The following BRD3 variants were observed in gnomAD, a reference collection of about 807,000 sequenced individuals.
The protein encoded by BRD3 is bromodomain-containing protein 3.
In BRD3, 17 loss-of-function variants were observed where a neutral mutation model predicts 66.8. That is an observed-to-expected ratio of 0.25 (90% CI 0.17 to 0.38). The LOEUF (loss-of-function observed/expected upper bound fraction) is 0.38. Ranked by LOEUF, BRD3 falls within the 10% of genes least tolerant of loss-of-function variation. The probability of loss-of-function intolerance (pLI) is 1.00; values close to 1 mark genes in which losing one functional copy is unlikely to be tolerated. For missense variants in BRD3, 713 were observed against 956.1 expected (o/e 0.75, Z 3.35); for synonymous variants, 421 against 393.2 (o/e 1.07, Z -0.84).
intron 7 of BRD3, among the ~76,000 whole-genome samples, chr9:134,044,937 G>A (rs930277208): frequency 1.3e-5 from 2 of 152,174 alleles, no homozygotes; most frequent in Non-Finnish European, 2.9e-5. Flanking sequence ...GCCTCTCCTT[G>A]CCACAGAAGA....
At chr9:134,038,716 C>T (rs867441421) in intron 9 of BRD3, among the ~76,000 whole-genome samples, 17 of 152,130 alleles carry the variant, frequency 1.1e-4, no homozygotes, top group Admixed American at 2.0e-4. Context: ...CTTAACGTGA[C>T]GCTCAAAGGA....
At chr9:134,067,471 AGGCCGGGGCCGCC>A (rs1026855353) in intron 1 of BRD3, among the ~76,000 whole-genome samples, 11 of 148,622 alleles carry the variant, frequency 7.4e-5, no homozygotes, top group Non-Finnish European at 1.7e-4. Flanking sequence ...GCACGGCCGC[AGGCCGGGGCCGCC>A]GCGCGCACCT....
In BRD3 at chr9:134,032,540, C is replaced by T; in HGVS notation, c.*1050G>A. ...GACGTGGGTGAGCACCGCGCGGTGG[C>T]AGGAGTTAGCACCTGGAGACGACAG... is the stretch of plus-strand genomic sequence containing the variant. On this transcript the variant is annotated 3_prime_UTR_variant, in exon 12 of 12. Transcript: ENST00000303407. 4.3e-6 allele frequency: 1 copy of T among 230,888 alleles called. No individual in the cohort carries two copies. Among genetic ancestry groups the T allele is most frequent in the Non-Finnish European group, 8.6e-6 (1 of 116,686 alleles). The allele number at this position is 230,888 out of a possible 1,614,324, so 14.3% of individuals were successfully genotyped here. A position where few individuals can be genotyped will look rare whatever the true frequency, so the allele number is the denominator to read the frequency against.
Position 134,048,408 on chromosome 9 carries a change from G to A in BRD3, c.761C>T (p.Ser254Leu), listed in dbSNP as rs186729516. The change falls in exon 6 of 12, where the codon TCG (serine) becomes TTG (leucine). Residue 254 changes from serine to leucine, a missense_variant. Coordinates refer to ENST00000303407, the MANE Select transcript of BRD3 (RefSeq NM_007371.4). Reference protein sequence around the residue: ...RKADTTTPTTSAITASRSESP... With the variant: ...RKADTTTPTTLAITASRSESP... ...CTCACTCCGGCTGGCAGTGATGGCCGACGTCGTGGGAGTGGTTGTGTCTGC... is the reference window on the plus strand; with the variant it reads ...CTCACTCCGGCTGGCAGTGATGGCCAACGTCGTGGGAGTGGTTGTGTCTGC... 15 of 1,598,580 alleles carry A rather than the reference G, an allele frequency of 9.4e-6. No individual in the cohort carries two copies. Among genetic ancestry groups the A allele is most frequent in the African/African-American group, 2.7e-5 (2 of 75,060 alleles).
Position 134,033,806 on chromosome 9 carries a change from A to G in BRD3, c.2066-101T>C. The G allele has an allele frequency of 1.6e-6, 1 of 614,852 alleles. No homozygotes were observed. Among genetic ancestry groups the G allele is most frequent in the Non-Finnish European group, 2.9e-6 (1 of 339,522 alleles). The allele number at this position is 614,852 out of a possible 1,614,324, so 38.1% of individuals were successfully genotyped here. On this transcript the variant is annotated intron_variant, in intron 11 of 11. Transcript: ENST00000303407. This position sits in a 1 kb window ranked among gnomAD's most constrained non-coding sequence, Gnocchi z 5.1. ...GCGTGACACCATCACACTGGGTGCCACGACCCACCCACTTCCTGACCCAGT... is the reference window on the plus strand; with the variant it reads ...GCGTGACACCATCACACTGGGTGCCGCGACCCACCCACTTCCTGACCCAGT...
chr9:134,032,866 T>G lies in BRD3; in HGVS notation c.*724A>C. ...TTTTTTTTTTTTTTTAAATCTTTTC[T>G]TCTTTTTTTTTTTTTAAAGTTGAGG... On this transcript the variant is annotated 3_prime_UTR_variant, in exon 12 of 12. Coordinates refer to ENST00000303407, the MANE Select transcript of BRD3 (RefSeq NM_007371.4). The G allele has an allele frequency of 3.8e-6, 1 of 261,710 alleles. No homozygotes were observed. The highest frequency in any genetic ancestry group is 6.9e-6 in the Non-Finnish European group (1 of 144,442). The allele number at this position is 261,710 out of a possible 1,614,324, so 16.2% of individuals were successfully genotyped here. A position where few individuals can be genotyped will look rare whatever the true frequency, so the allele number is the denominator to read the frequency against.
intron 9 of BRD3, 61 bp from the exon 10 acceptor site, chr9:134,036,385 C>T (rs192776087): frequency 1.6e-4 from 255 of 1,570,106 alleles, no homozygotes; most frequent in Non-Finnish European, 1.9e-4. Flanking sequence ...TGGGAGCCCA[C>T]TGCACACACC....
At chr9:134,052,470 A>G in intron 2 of BRD3, 27 bp from the exon 3 acceptor site, 1 of 1,588,938 alleles carries the variant, frequency 6.3e-7, no homozygotes, top group Non-Finnish European at 8.5e-7. Context: ...CAGAGGCATT[A>G]CCAGAAGATT....
At position 134,030,682 on chromosome 9, in the gene BRD3, G is replaced by C. The variant is rs1588266211; in HGVS notation, c.*2908C>G. On this transcript the variant is annotated 3_prime_UTR_variant, in exon 12 of 12. Coordinates refer to ENST00000303407, the MANE Select transcript of BRD3 (RefSeq NM_007371.4). ...ATGTGGGTGTTACTCTTTCCCAAAA[G>C]ACTGTCAGAGGCGTGAGTGCTGCAA... is the stretch of plus-strand genomic sequence containing the variant. 4 of 230,248 alleles carry C rather than the reference G, an allele frequency of 1.7e-5. No homozygotes were observed. In the East Asian group the frequency reaches 2.5e-4, roughly 14 times the overall value. 14.3% of individuals were successfully genotyped at this position (230,248 alleles called of 1,614,324 possible). A position where few individuals can be genotyped will look rare whatever the true frequency, so the allele number is the denominator to read the frequency against.
chr9:134,061,235 C>A (rs984536409), intron 1 of BRD3, among the ~76,000 whole-genome samples: 8 of 152,254 alleles, frequency 5.3e-5, no homozygotes, highest in African/African-American at 1.9e-4. Flanking sequence ...CACCCTGGGG[C>A]AAACCAGCCA....
At chr9:134,052,042 C>T (rs1283841936) in intron 3 of BRD3, among the ~76,000 whole-genome samples, 5 of 152,016 alleles carry the variant, frequency 3.3e-5, no homozygotes, top group Non-Finnish European at 7.4e-5. Context: ...AGGTGCCTGC[C>T]ACCACACCTG....
Position 134,034,862 on chromosome 9 carries a change from G to C in BRD3, c.1937-33C>G, listed in dbSNP as rs761021509. ...GGAACAAATGGGCACTCAGACTGCA[G>C]AGCAGACCGATGGGGCAGGAGCCAG... On this transcript the variant is annotated intron_variant, in intron 10 of 11. Coordinates refer to ENST00000303407, the MANE Select transcript of BRD3 (RefSeq NM_007371.4). The C allele has an allele frequency of 3.0e-5, 48 of 1,608,438 alleles. No homozygotes were observed. In the South Asian group the frequency reaches 4.9e-4, roughly 17 times the overall value.
chr9:134,053,090 G>A (rs980561984), intron 2 of BRD3, among the ~76,000 whole-genome samples, 175 bp downstream of exon 2: 5 of 152,168 alleles, frequency 3.3e-5, no homozygotes, highest in African/African-American at 7.2e-5. Context: ...ACTCTCCCAC[G>A]CCCATGTGGC....
At position 134,032,234 on chromosome 9, in the gene BRD3, G is replaced by C. The variant is rs1186648590; in HGVS notation, c.*1356C>G. The C allele has an allele frequency of 4.6e-6, 1 of 215,590 alleles. No individual in the cohort carries two copies. Among genetic ancestry groups the C allele is most frequent in the Admixed American group, 5.8e-5 (1 of 17,148 alleles). 13.4% of individuals were successfully genotyped at this position (215,590 alleles called of 1,614,324 possible). ...ATATTATTATTTTTTACAATAGAAA[G>C]TTAAAAATCAAGACTTAGATTTACT... On this transcript the variant is annotated 3_prime_UTR_variant, in exon 12 of 12. Coordinates refer to ENST00000303407, the MANE Select transcript of BRD3 (RefSeq NM_007371.4).
chr9:134,052,370 CAAT>C lies in BRD3; in HGVS notation c.284_286del (p.Tyr95del). On this transcript the variant is annotated inframe_deletion, in exon 3 of 12. Transcript: ENST00000303407. ...GTCCTGCATACATTCGCTTGCACTC[CAAT>C]AATAATTATTTTCTAGTCTCTTCTT... 1.2e-6 allele frequency: 2 copies of C among 1,613,490 alleles called. No homozygotes were observed. The highest frequency in any genetic ancestry group is 1.7e-6 in the Non-Finnish European group (2 of 1,179,864).
chr9:134,037,884 C>A (rs1247680080), intron 9 of BRD3, among the ~76,000 whole-genome samples: 1 of 152,092 alleles, frequency 6.6e-6, no homozygotes, highest in African/African-American at 2.4e-5. Flanking sequence ...GAAATACTAA[C>A]CAATAGACTT....
intron 9 of BRD3, 27 bp downstream of exon 9, chr9:134,040,007 T>G (rs1830005706): frequency 1.9e-6 from 3 of 1,568,716 alleles, no homozygotes; most frequent in Admixed American, 3.7e-5. Context: ...GCTGGGCTCT[T>G]GGAGCCCGAG....
At chr9:134,037,708 T>A (rs10993898) in intron 9 of BRD3, among the ~76,000 whole-genome samples, 6 of 82,960 alleles carry the variant, frequency 7.2e-5, no homozygotes, top group Admixed American at 4.8e-4. Context: ...AAAGTAAAAA[T>A]TTTTTTTAAA....
At chr9:134,049,659 C>T (rs1319797005) in intron 5 of BRD3, among the ~76,000 whole-genome samples, 1 of 152,244 alleles carries the variant, frequency 6.6e-6, no homozygotes, top group Non-Finnish European at 1.5e-5. Context: ...GGGGAAGCAA[C>T]GGAGGTGGCA....
Sources: gnomAD v4.1 joint callset for allele counts (sites outside exome capture counted in the v4.1 genomes callset) on GRCh38, gnomAD v4.1.1 for gene constraint, Gnocchi (gnomAD v3.1) non-coding constraint, MANE v1.5 for transcripts, NCBI Gene and HGNC (gene_info 2026-07-23, HGNC 2026-07-21) for gene names.